TRPM3: variants seen among roughly 807,000 people sequenced by gnomAD.
TRPM3 encodes the protein long transient receptor potential channel 3.
TRPM3 carries 77 observed loss-of-function variants against 181.2 expected under a neutral mutation model. The ratio of observed to expected loss-of-function variants is 0.42; its 90% CI spans 0.35 to 0.51. The LOEUF is 0.51. Ranked by LOEUF, TRPM3 falls within the 20% of genes least tolerant of loss-of-function variation. TRPM3 has a pLI of 0.01. For synonymous variants in TRPM3, 745 were observed against 796.4 expected (o/e 0.94, Z 1.09); for missense variants, 1,759 against 2,196.7 (o/e 0.80, Z 3.98).
intron 1 of TRPM3, among the ~76,000 whole-genome samples, chr9:71,163,475 G>C (rs1350389452): frequency 6.6e-6 from 1 of 152,138 alleles, no homozygotes; most frequent in Non-Finnish European, 1.5e-5. Flanking sequence ...GTTAACAGTG[G>C]TGTTATTTAT....
intron 4 of TRPM3, among the ~76,000 whole-genome samples, chr9:70,844,983 G>C (rs1411005910): frequency 1.3e-5 from 2 of 152,160 alleles, no homozygotes; most frequent in Non-Finnish European, 2.9e-5. Context: ...TTGCTCTGTA[G>C]ATATTTGATT....
At chr9:71,103,241 C>T (rs2068735749) in intron 1 of TRPM3, among the ~76,000 whole-genome samples, 1 of 151,844 alleles carries the variant, frequency 6.6e-6, no homozygotes, top group Non-Finnish European at 1.5e-5. Context: ...CTGATTACAA[C>T]CAAAGTAAAT....
intron 1 of TRPM3, among the ~76,000 whole-genome samples, chr9:71,425,973 A>G (rs2093855825): frequency 6.6e-6 from 1 of 151,948 alleles, no homozygotes; most frequent in South Asian, 2.1e-4. Flanking sequence ...CCACCCTTAG[A>G]TTATAACAGC....
intron 1 of TRPM3, among the ~76,000 whole-genome samples, chr9:71,084,031 A>T (rs12551523): frequency 0.24 from 36,927 of 151,736 alleles, 5,050 homozygotes; most frequent in African/African-American, 0.37. Context: ...TACTCAGTCT[A>T]TGTGGGAGAC....
chr9:70,646,928 A>C (rs1457287550), intron 9 of TRPM3, among the ~76,000 whole-genome samples: 1 of 151,932 alleles, frequency 6.6e-6, no homozygotes, highest in Non-Finnish European at 1.5e-5. Flanking sequence ...TATGCACAAG[A>C]ACTAGAAACC....
At chr9:71,080,869 G>T (rs1487187452) in intron 1 of TRPM3, among the ~76,000 whole-genome samples, 1 of 152,200 alleles carries the variant, frequency 6.6e-6, no homozygotes, top group Non-Finnish European at 1.5e-5. Flanking sequence ...TATGTAGTAG[G>T]TCTTGTGTGT....
chr9:71,107,132 C>T (rs938293075), intron 1 of TRPM3, among the ~76,000 whole-genome samples: 8 of 152,142 alleles, frequency 5.3e-5, no homozygotes, highest in Non-Finnish European at 1.2e-4. Flanking sequence ...AAGCAGTATA[C>T]ATTATAAATA....
chr9:70,961,742 T>C (rs534033230), intron 1 of TRPM3, among the ~76,000 whole-genome samples: 3 of 152,260 alleles, frequency 2.0e-5, no homozygotes, highest in Admixed American at 2.0e-4. Flanking sequence ...TATTTTCTTG[T>C]TTTACCCAGG....
At chr9:71,329,635 C>T (rs577347581) in intron 1 of TRPM3, among the ~76,000 whole-genome samples, 2 of 152,242 alleles carry the variant, frequency 1.3e-5, no homozygotes, top group African/African-American at 4.8e-5. Flanking sequence ...AATATGTAGC[C>T]ATGAAGACAA....
intron 19 of TRPM3, among the ~76,000 whole-genome samples, chr9:70,607,857 G>GTCTC (rs1220871220): frequency 1.3e-5 from 2 of 152,186 alleles, no homozygotes; most frequent in Non-Finnish European, 2.9e-5. Context: ...AGAACCGATA[G>GTCTC]TCTCTCTCTG....
intron 1 of TRPM3, among the ~76,000 whole-genome samples, chr9:71,267,267 A>G (rs1020875917): frequency 6.6e-6 from 1 of 151,988 alleles, no homozygotes; most frequent in African/African-American, 2.4e-5. Context: ...CTCTTATAAC[A>G]CTCTGGAATA....
At chr9:70,889,449 C>A (rs116026120) in intron 1 of TRPM3, among the ~76,000 whole-genome samples, 1,530 of 152,264 alleles carry the variant, frequency 0.01, 29 homozygotes, top group African/African-American at 0.035. Flanking sequence ...CTCTGTCGGC[C>A]ACTAGACCAT....
At chr9:71,289,152 A>C (rs1296692958) in intron 1 of TRPM3, among the ~76,000 whole-genome samples, 1 of 145,932 alleles carries the variant, frequency 6.9e-6, no homozygotes, top group Non-Finnish European at 1.5e-5. Flanking sequence ...ATATGTAACA[A>C]AACAGTGAGA....
intron 1 of TRPM3, among the ~76,000 whole-genome samples, chr9:70,972,654 T>TA (rs1456202403): frequency 6.6e-6 from 1 of 152,138 alleles, no homozygotes; most frequent in Middle Eastern, 3.2e-3. Flanking sequence ...TCTTTTACTT[T>TA]AAAAAAAGGA....
chr9:71,194,344 T>G (rs192257864), intron 1 of TRPM3, among the ~76,000 whole-genome samples: 1 of 152,066 alleles, frequency 6.6e-6, no homozygotes, highest in East Asian at 1.9e-4. Flanking sequence ...CTGTTTCCTC[T>G]TCTTCCTTGA....
chr9:71,361,935 A>G (rs2092163942), intron 1 of TRPM3, among the ~76,000 whole-genome samples: 1 of 152,172 alleles, frequency 6.6e-6, no homozygotes, highest in Non-Finnish European at 1.5e-5. Context: ...AGTGTGTAAA[A>G]AGAGATGAAA....
chr9:70,691,242 G>A (rs2068453035), intron 8 of TRPM3, among the ~76,000 whole-genome samples: 2 of 152,174 alleles, frequency 1.3e-5, no homozygotes, highest in Non-Finnish European at 2.9e-5. Flanking sequence ...ACTTAAAAGT[G>A]ATGCTAGGGA....
chr9:70,679,263 C>G (rs2064823411), intron 9 of TRPM3, among the ~76,000 whole-genome samples: 1 of 152,042 alleles, frequency 6.6e-6, no homozygotes, highest in Non-Finnish European at 1.5e-5. Context: ...TTCAATTTTC[C>G]AAATACATAT....
chr9:71,187,241 A>G (rs1319246505), intron 1 of TRPM3, among the ~76,000 whole-genome samples: 1 of 151,970 alleles, frequency 6.6e-6, no homozygotes, highest in African/African-American at 2.4e-5. Flanking sequence ...ATCTACATTC[A>G]AGAGGAGGTA....
Sources: gnomAD v4.1 joint callset for allele counts (sites outside exome capture counted in the v4.1 genomes callset) on GRCh38, gnomAD v4.1.1 for gene constraint, MANE v1.5 for transcripts, NCBI Gene and HGNC (gene_info 2026-07-23, HGNC 2026-07-21) for gene names.